Variants in OR10H5 observed in about 807,000 individuals in gnomAD.
OR10H5 encodes olfactory receptor 10H5.
OR10H5 carries 7 observed loss-of-function variants against 12.2 expected under a neutral mutation model. The observed-to-expected ratio is 0.57, with a 90% confidence interval of 0.33 to 1.07. The LOEUF (loss-of-function observed/expected upper bound fraction) is 1.07, where lower values mean the gene tolerates loss of function less well. OR10H5 is among the 50% of genes least tolerant of loss of function. OR10H5 has a pLI of 0.04. For synonymous variants in OR10H5, 159 were observed against 175.1 expected, an observed-to-expected ratio of 0.91 and a Z score of 0.73; for missense variants, 346 against 411.6, an observed-to-expected ratio of 0.84 and a Z score of 1.38.
chr19:15,794,762 C>T lies in OR10H5; in HGVS notation c.714C>T (p.Ala238=). The T allele has an allele frequency of 1.2e-6, 2 of 1,613,446 alleles. No homozygotes were observed. Among genetic ancestry groups the T allele is most frequent in the South Asian group, 1.1e-5 (1 of 91,046 alleles). ...CTTCTGCTGAAGGTCGGAACAAGGCCTTCTCCACCTGTGCCTCTCACCTCA... is the reference window on the plus strand; with the variant it reads ...CTTCTGCTGAAGGTCGGAACAAGGCTTTCTCCACCTGTGCCTCTCACCTCA... ...KIPSAEGRNK[A]FSTCASHLTV... is the part of the protein sequence containing the mutation. The change falls in exon 2 of 2, where the codon GCC becomes GCT. Residue 238 remains alanine, a synonymous_variant. Coordinates refer to ENST00000642092, the MANE Select transcript of OR10H5 (RefSeq NM_001004466.2).
At position 15,797,757 on chromosome 19, in the gene OR10H5, A is replaced by G. The variant is rs1041522177; in HGVS notation, c.*2761A>G. ...TGCATTCATTTTGGTTTTTTAAAAT[A>G]TTGCATTAGGCCGGGTGTGGTGGCT... On this transcript the variant is annotated 3_prime_UTR_variant, in exon 2 of 2. Transcript: ENST00000642092. 1 of 151,872 alleles carries G rather than the reference A, an allele frequency of 6.6e-6. No homozygotes were observed. The highest frequency in any genetic ancestry group is 2.4e-5 in the African/African-American group (1 of 41,358). The allele number at this position is 151,872 out of a possible 1,614,324, so 9.4% of individuals were successfully genotyped here.
intron 1 of OR10H5, among the ~76,000 whole-genome samples, chr19:15,788,322 C>T (rs2088793092): frequency 6.6e-6 from 1 of 152,118 alleles, no homozygotes; most frequent in Admixed American, 6.5e-5. Context: ...GAGAAGATGC[C>T]TTGCCTCTTC....
chr19:15,799,181 T>G lies in OR10H5; in HGVS notation c.*4185T>G, dbSNP rs2088855330. The G allele has an allele frequency of 6.6e-6, 1 of 152,158 alleles. No homozygotes were observed. Among genetic ancestry groups the G allele is most frequent in the Non-Finnish European group, 1.5e-5 (1 of 68,048 alleles). The allele number at this position is 152,158 out of a possible 1,614,324, so 9.4% of individuals were successfully genotyped here. On this transcript the variant is annotated 3_prime_UTR_variant, in exon 2 of 2. Coordinates refer to ENST00000642092, the MANE Select transcript of OR10H5 (RefSeq NM_001004466.2). ...GCTGCGTGGCCAGGTCTATACTTCA[T>G]CCCCAAATTCATTCTTTGACCCTAT... is the stretch of plus-strand genomic sequence containing the variant.
intron 1 of OR10H5, among the ~76,000 whole-genome samples, chr19:15,791,286 C>A (rs2088808002): frequency 6.6e-6 from 1 of 152,156 alleles, no homozygotes; most frequent in Non-Finnish European, 1.5e-5. Flanking sequence ...GCAGAGGTTG[C>A]AGTGAGCCGA....
chr19:15,798,715 T>C lies in OR10H5; in HGVS notation c.*3719T>C. On this transcript the variant is annotated 3_prime_UTR_variant, in exon 2 of 2. Transcript: ENST00000642092. ...TGTCCCTCTTGTTTCACCCCCAAAATCCTCCAGTTTCTGTCTGCCAAGCAG... is the reference window on the plus strand; with the variant it reads ...TGTCCCTCTTGTTTCACCCCCAAAACCCTCCAGTTTCTGTCTGCCAAGCAG... 1 of 147,864 alleles carries C rather than the reference T, an allele frequency of 6.8e-6. No individual in the cohort carries two copies. The highest frequency in any genetic ancestry group is 2.5e-5 in the African/African-American group (1 of 40,272). 9.2% of individuals were successfully genotyped at this position (147,864 alleles called of 1,614,324 possible).
rs1276095048 is a variant in OR10H5, at chr19:15,788,926, C to T, written c.-12+1210C>T. ...ACATGCTCAGGATGTGCAGGTTTGTCACACAGGCAAATGTGTGCCATGGTG... is the reference window on the plus strand; with the variant it reads ...ACATGCTCAGGATGTGCAGGTTTGTTACACAGGCAAATGTGTGCCATGGTG... On this transcript the variant is annotated intron_variant, in intron 1 of 1. Coordinates refer to ENST00000642092, the MANE Select transcript of OR10H5 (RefSeq NM_001004466.2). Among the ~76,000 whole-genome samples, 3 of 152,232 alleles carry T rather than the reference C, an allele frequency of 2.0e-5. No individual in the cohort carries two copies. The East Asian group carries it at 5.8e-4, about 29-fold the overall frequency.
chr19:15,794,853 C>G lies in OR10H5; in HGVS notation c.805C>G (p.Pro269Ala), dbSNP rs1403610752. 3 of 1,614,130 alleles carry G rather than the reference C, an allele frequency of 1.9e-6. No individual in the cohort carries two copies. The South Asian group carries it at 3.3e-5, about 18-fold the overall frequency. ...CCTGAAGCCCAAAGGTCCCCAGTCT[C>G]CGGAAGGAGACACCTTGATGGGCAT... ...IYLKPKGPQSPEGDTLMGITY... is the reference protein window; with the variant it reads ...IYLKPKGPQSAEGDTLMGITY... The change falls in exon 2 of 2, where the codon CCG becomes GCG. Residue 269 changes from proline to alanine, a missense_variant. Coordinates refer to ENST00000642092, the MANE Select transcript of OR10H5 (RefSeq NM_001004466.2).
Position 15,794,678 on chromosome 19 carries a change from C to T in OR10H5, c.630C>T (p.Gly210=). The T allele has an allele frequency of 1.2e-6, 2 of 1,614,112 alleles. No homozygotes were observed. Among genetic ancestry groups the T allele is most frequent in the African/African-American group, 1.3e-5 (1 of 75,054 alleles). ...VGLVCITALL[G]CFLLILLSYA... ...TGGTGTGTATCACGGCCCTGCTGGG[C>T]TGTTTTCTCCTCATCCTCCTCTCCT... is the stretch of plus-strand genomic sequence containing the variant. The change falls in exon 2 of 2, where the codon GGC becomes GGT. Residue 210 remains glycine, a synonymous_variant. Coordinates refer to ENST00000642092, the MANE Select transcript of OR10H5 (RefSeq NM_001004466.2).
Position 15,795,191 on chromosome 19 carries a change from T to G in OR10H5, c.*195T>G. 1 of 509,654 alleles carries G rather than the reference T, an allele frequency of 2.0e-6. No homozygotes were observed. The highest frequency in any genetic ancestry group is 3.4e-6 in the Non-Finnish European group (1 of 294,454). The allele number at this position is 509,654 out of a possible 1,614,324, so 31.6% of individuals were successfully genotyped here. ...CCCTCCCCCCTCCTCCTTGCCTTCC[T>G]TCCATCCTTCCTCCCTCCCTCCCTC... is the stretch of plus-strand genomic sequence containing the variant. On this transcript the variant is annotated 3_prime_UTR_variant, in exon 2 of 2. Coordinates refer to ENST00000642092, the MANE Select transcript of OR10H5 (RefSeq NM_001004466.2).
chr19:15,787,678 G>A lies in OR10H5; in HGVS notation c.-50G>A, dbSNP rs577089671. 6.6e-6 allele frequency: 1 copy of A among 152,424 alleles called. No homozygotes were observed. The highest frequency in any genetic ancestry group is 1.5e-5 in the Non-Finnish European group (1 of 68,106). 9.4% of individuals were successfully genotyped at this position (152,424 alleles called of 1,614,324 possible). A position where few individuals can be genotyped will look rare whatever the true frequency, so the allele number is the denominator to read the frequency against. Reference sequence around the variant, plus strand: ...GTGCACTGTGCCCAGGGCCATTACAGGCCTGGCTGCAAGGCGTCCCTAAAG... The same window carrying A: ...GTGCACTGTGCCCAGGGCCATTACAAGCCTGGCTGCAAGGCGTCCCTAAAG... On this transcript the variant is annotated 5_prime_UTR_variant, in exon 1 of 2. Transcript: ENST00000642092.
Position 15,794,718 on chromosome 19 carries a change from G to A in OR10H5, c.670G>A (p.Ala224Thr). 6.2e-7 allele frequency: 1 copy of A among 1,613,876 alleles called. No homozygotes were observed. The highest frequency in any genetic ancestry group is 8.5e-7 in the Non-Finnish European group (1 of 1,179,794). ...CCTCCTCTCCTATGCCTTCATCGTGGCCGCCATCTTGAAGATCCCTTCTGC... is the reference window on the plus strand; with the variant it reads ...CCTCCTCTCCTATGCCTTCATCGTGACCGCCATCTTGAAGATCCCTTCTGC... ...LILLSYAFIV[A>T]AILKIPSAEG... The change falls in exon 2 of 2, where the codon GCC becomes ACC. Residue 224 changes from alanine to threonine, a missense_variant. Ala to Thr is a moderately conservative substitution (Grantham distance 58, BLOSUM62 0). Coordinates refer to ENST00000642092, the MANE Select transcript of OR10H5 (RefSeq NM_001004466.2).
Position 15,799,843 on chromosome 19 carries a change from A to AGGC in OR10H5, c.*4849_*4851dup, listed in dbSNP as rs1053564670. 3.3e-5 allele frequency: 5 copies of AGGC among 152,032 alleles called. No homozygotes were observed. Among genetic ancestry groups the AGGC allele is most frequent in the African/African-American group, 1.2e-4 (5 of 41,378 alleles). The allele number at this position is 152,032 out of a possible 1,614,324, so 9.4% of individuals were successfully genotyped here. On this transcript the variant is annotated 3_prime_UTR_variant, in exon 2 of 2. Transcript: ENST00000642092. ...CCTGTGTCAGACTCCCTGGAATTAC[A>AGGC]GGCGTGCCACCATGCCTGGCTAAAT...
intron 1 of OR10H5, among the ~76,000 whole-genome samples, chr19:15,790,810 T>C (rs1449453337): frequency 6.6e-6 from 1 of 152,152 alleles, no homozygotes; most frequent in African/African-American, 2.4e-5. Context: ...TTCCAGGTGG[T>C]ATTCTGAGTC....
intron 1 of OR10H5, among the ~76,000 whole-genome samples, chr19:15,789,170 G>A (rs2088797708): frequency 6.6e-6 from 1 of 152,190 alleles, no homozygotes; most frequent in Non-Finnish European, 1.5e-5. Context: ...GAATGGCTGT[G>A]TGTCTCCAGT....
rs267605324 is a variant in OR10H5 at position 15,794,198 on chromosome 19, G to C, written c.150G>C (p.Trp50Cys). The change falls in exon 2 of 2, where the codon TGG becomes TGC. Residue 50 changes from tryptophan to cysteine, a missense_variant. Coordinates refer to ENST00000642092, the MANE Select transcript of OR10H5 (RefSeq NM_001004466.2). The part of the protein sequence containing the change: ...LGNLLIMATV[W>C]SERSLHMPMY... ...ACCTGCTCATCATGGCCACTGTCTG[G>C]AGCGAGCGCAGCCTCCACATGCCCA... 10 of 1,613,950 alleles carry C rather than the reference G, an allele frequency of 6.2e-6. No individual in the cohort carries two copies. Among genetic ancestry groups the C allele is most frequent in the South Asian group, 3.3e-5 (3 of 91,074 alleles).
rs1363150926 is a variant in OR10H5 at position 15,794,891 on chromosome 19, C to G, written c.843C>G (p.Val281=). Residue 281 remains valine (V), a synonymous_variant, in exon 2 of 2, where the codon GTC becomes GTG. Coordinates refer to ENST00000642092, the MANE Select transcript of OR10H5 (RefSeq NM_001004466.2). The part of the protein sequence containing the change: ...GDTLMGITYT[V]LTPFLSPIIF... ...CCTTGATGGGCATCACCTACACGGT[C>G]CTCACACCCTTCCTCAGCCCCATCA... 3 of 1,614,054 alleles carry G rather than the reference C, an allele frequency of 1.9e-6. No individual in the cohort carries two copies. Among genetic ancestry groups the G allele is most frequent in the Non-Finnish European group, 1.7e-6 (2 of 1,180,038 alleles).
intron 1 of OR10H5, 48 bp from the exon 2 acceptor site, chr19:15,793,990 C>A (rs1181146742): frequency 1.2e-5 from 18 of 1,528,742 alleles, no homozygotes; most frequent in Middle Eastern, 1.7e-4. Context: ...CACTAGACAC[C>A]CCTGTGCTCC....
rs2088857828 is a variant in OR10H5, at chr19:15,799,636, T to A, written c.*4640T>A. On this transcript the variant is annotated 3_prime_UTR_variant, in exon 2 of 2. Transcript: ENST00000642092. ...ACGTTATGTATATAATTGTATGTTG[T>A]CTACAAGGTAAACCTTAAAAGTATG... The A allele has an allele frequency of 6.6e-6, 1 of 151,990 alleles. No homozygotes were observed. The highest frequency in any genetic ancestry group is 1.5e-5 in the Non-Finnish European group (1 of 68,020). 9.4% of individuals were successfully genotyped at this position (151,990 alleles called of 1,614,324 possible).
intron 1 of OR10H5, among the ~76,000 whole-genome samples, chr19:15,789,572 T>G (rs2088799664): frequency 6.6e-6 from 1 of 152,062 alleles, no homozygotes; most frequent in Non-Finnish European, 1.5e-5. Context: ...AGGTTCTGCG[T>G]GTGCACCAGT....
Sources: allele counts gnomAD v4.1 joint callset (sites outside exome capture counted in the v4.1 genomes callset), GRCh38; gene constraint gnomAD v4.1.1; transcripts MANE v1.5; gene names NCBI Gene and HGNC (gene_info 2026-07-23, HGNC 2026-07-21).